Variants in TMC1 observed in about 807,000 individuals in gnomAD.
TMC1 encodes the protein transmembrane channel like 1.
A neutral mutation model predicts 105.8 loss-of-function variants in TMC1; 84 were observed. That is an observed-to-expected ratio of 0.79 (90% confidence interval 0.67 to 0.95). The LOEUF is 0.95. Among genes scored for constraint, TMC1 ranks in the 40% least tolerant of loss-of-function variants. The pLI, the probability that TMC1 is intolerant of heterozygous loss-of-function variation, is 0.00. For synonymous variants in TMC1, 315 were observed against 311.5 expected (o/e 1.01, Z -0.12); for missense variants, 817 against 914.1 (o/e 0.89, Z 1.37).
chr9:72,655,728 C>T (rs890957609), intron 5 of TMC1: 9 of 440,568 alleles, frequency 2.0e-5, no homozygotes, highest in Non-Finnish European at 3.3e-5. Context: ...GGCGACAGAC[C>T]GAGAATCCGT....
chr9:72,666,136 C>T (rs938105442), intron 5 of TMC1, among the ~76,000 whole-genome samples: 3 of 152,162 alleles, frequency 2.0e-5, no homozygotes, highest in Non-Finnish European at 4.4e-5. Context: ...TACTTTGAGG[C>T]CAGGCAGCGT....
intron 2 of TMC1, among the ~76,000 whole-genome samples, chr9:72,585,055 G>A (rs1207210682): frequency 6.6e-6 from 1 of 151,646 alleles, no homozygotes; most frequent in African/African-American, 2.4e-5. Flanking sequence ...AAAGTGCTGG[G>A]ATTACAGGTG....
At chr9:72,563,738 A>G (rs1418242696) in intron 1 of TMC1, among the ~76,000 whole-genome samples, 2 of 151,902 alleles carry the variant, frequency 1.3e-5, no homozygotes, top group African/African-American at 4.8e-5. Flanking sequence ...ATCTCTACTA[A>G]AAATAAAAAA....
intron 3 of TMC1, among the ~76,000 whole-genome samples, chr9:72,623,454 T>C (rs1825292474): frequency 6.6e-6 from 1 of 152,132 alleles, no homozygotes; most frequent in South Asian, 2.1e-4. Flanking sequence ...CCTTTGGTAA[T>C]TTCAGCTTCC....
Position 72,792,286 on chromosome 9 carries a change from A to G in TMC1, c.1500A>G (p.Gly500=), listed in dbSNP as rs1035880882. 2.5e-6 allele frequency: 4 copies of G among 1,613,970 alleles called. No homozygotes were observed. The highest frequency in any genetic ancestry group is 3.3e-5 in the Admixed American group (2 of 59,996). ...CATCATTCTCTGAAAATAGCACTGG[A>G]CCACCCTTTTTTGTTCACCCTGCAG... ...YNASFSENST[G]PPFFVHPADV... is the part of the protein sequence containing the mutation. The change falls in exon 17 of 24, where the codon GGA becomes GGG. Residue 500 remains glycine, a synonymous_variant. Transcript: ENST00000297784.
intron 20 of TMC1, among the ~76,000 whole-genome samples, chr9:72,822,691 G>C (rs72733090): frequency 2.0e-5 from 3 of 152,144 alleles, no homozygotes; most frequent in Non-Finnish European, 4.4e-5. Context: ...CAAGGAATAT[G>C]CCATTCAAAG....
chr9:72,634,871 G>C (rs1245485437), intron 4 of TMC1, among the ~76,000 whole-genome samples: 1 of 152,224 alleles, frequency 6.6e-6, no homozygotes, highest in Non-Finnish European at 1.5e-5. Flanking sequence ...ATAGGGCAAG[G>C]TATGTGGGAA....
At chr9:72,788,310 C>T (rs771950939) in intron 13 of TMC1, 29 bp from the exon 14 acceptor site, 43 of 1,613,652 alleles carry the variant, frequency 2.7e-5, no homozygotes, top group Non-Finnish European at 3.6e-5. Context: ...TTTTTTCTGG[C>T]TGCTGGGTTA....
chr9:72,832,644 TC>T (rs1829059118), intron 23 of TMC1, among the ~76,000 whole-genome samples: 1 of 152,106 alleles, frequency 6.6e-6, no homozygotes, highest in African/African-American at 2.4e-5. Flanking sequence ...CAACAAATGT[TC>T]AAGACTTGGT....
Position 72,725,330 on chromosome 9 carries a change from T to TAC in TMC1, c.363-14788_363-14787insCA, listed in dbSNP as rs1827098347. Among the ~76,000 whole-genome samples the TAC allele has an allele frequency of 1.6e-4, 12 of 75,314 alleles. No homozygotes were observed. The South Asian group carries it at 4.9e-3, about 31-fold the overall frequency. 49.4% of individuals were successfully genotyped at this position (75,314 alleles called of 152,430 possible). ...CACACATTTTATGTGTGTATGTATA[T>TAC]ATATATATATATATATATATATATA... On this transcript the variant is annotated intron_variant, in intron 8 of 23. Transcript: ENST00000297784.
chr9:72,627,611 A>C (rs1365962919), intron 3 of TMC1, among the ~76,000 whole-genome samples: 1 of 152,138 alleles, frequency 6.6e-6, no homozygotes, highest in Non-Finnish European at 1.5e-5. Context: ...AAGGCCTTTA[A>C]ACGAAGAGCT....
rs1322426601 is a variant in TMC1, at chr9:72,740,100, G to A, written c.363-19G>A. 1 of 1,598,216 alleles carries A rather than the reference G, an allele frequency of 6.3e-7. No homozygotes were observed. Among genetic ancestry groups the A allele is most frequent in the Admixed American group, 1.7e-5 (1 of 59,944 alleles). ...CAACTCACCTCCTTTTATCCCTTAT[G>A]TTATTTTTATTTTCTCAGGGAGGCA... On this transcript the variant is annotated intron_variant, in intron 8 of 23. Transcript: ENST00000297784.
intron 1 of TMC1, among the ~76,000 whole-genome samples, chr9:72,528,054 A>C (rs1260831063): frequency 2.0e-5 from 3 of 152,132 alleles, no homozygotes; most frequent in Non-Finnish European, 4.4e-5. Context: ...ATATGTTGAA[A>C]TCTTAACCCC....
intron 7 of TMC1, among the ~76,000 whole-genome samples, chr9:72,700,236 A>T (rs1826619654): frequency 6.6e-6 from 1 of 150,958 alleles, no homozygotes; most frequent in African/African-American, 2.4e-5. Context: ...GGGTGACAAG[A>T]GCAAAACTCC....
chr9:72,777,605 G>T (rs1408085400), intron 13 of TMC1, among the ~76,000 whole-genome samples: 1 of 152,118 alleles, frequency 6.6e-6, no homozygotes, highest in East Asian at 1.9e-4. Flanking sequence ...AAGCAACGAG[G>T]TATGAAAGAC....
chr9:72,642,772 G>A (rs7862934), intron 4 of TMC1, among the ~76,000 whole-genome samples: 15,236 of 152,212 alleles, frequency 0.1, 944 homozygotes, highest in African/African-American at 0.16. Flanking sequence ...TAATTCAGAT[G>A]TAATAAATAA....
rs76726298 is a variant in TMC1, at chr9:72,545,926, C to A, written c.-428+24013C>A. ...ATAGTGGCTTTCAAATGTCATCGCT[C>A]AAAAAAGTTCAAATGTCATCGCTCA... On this transcript the variant is annotated intron_variant, in intron 1 of 23. Transcript: ENST00000297784. 4.3e-3 allele frequency among the ~76,000 whole-genome samples: 634 copies of A among 148,660 alleles called. 5 individuals carry two copies. Among genetic ancestry groups the A allele is most frequent in the African/African-American group, 0.015 (603 of 40,106 alleles).
chr9:72,626,542 G>A (rs893522208), intron 3 of TMC1, among the ~76,000 whole-genome samples: 1 of 152,212 alleles, frequency 6.6e-6, no homozygotes, highest in African/African-American at 2.4e-5. Context: ...ACATTTGCAA[G>A]GAGACAGAGA....
At chr9:72,714,220 C>T (rs1826883120) in intron 8 of TMC1, among the ~76,000 whole-genome samples, 2 of 152,142 alleles carry the variant, frequency 1.3e-5, no homozygotes, top group South Asian at 4.1e-4. Flanking sequence ...CGATGTGGTG[C>T]TGAGAAGAGT....
Sources: allele counts gnomAD v4.1 joint callset (sites outside exome capture counted in the v4.1 genomes callset), GRCh38; gene constraint gnomAD v4.1.1; transcripts MANE v1.5; gene names NCBI Gene and HGNC (gene_info 2026-07-23, HGNC 2026-07-21).